Variants in RBM10 observed in about 807,000 individuals in gnomAD.
RBM10 encodes RNA binding motif protein 10, also known as RNA-binding protein 10.
In RBM10, 1 loss-of-function variant was observed where a neutral mutation model predicts 84.9. The ratio of observed to expected loss-of-function variants is 0.01; its 90% CI spans 0.00 to 0.06. The LOEUF is 0.06. Ranked by LOEUF, RBM10 falls within the 10% of genes least tolerant of loss-of-function variation. RBM10 has a pLI of 1.00. For synonymous variants in RBM10, 326 were observed against 344.5 expected, an observed-to-expected ratio of 0.95 and a Z score of 0.60; for missense variants, 438 against 839.0, an observed-to-expected ratio of 0.52 and a Z score of 5.90.
At chrX:47,165,353 T>C (rs1258548083) in intron 2 of RBM10, among the ~76,000 whole-genome samples, 4 of 107,226 alleles carry the variant, frequency 3.7e-5, no homozygotes, top group Non-Finnish European at 7.7e-5. Flanking sequence ...CTGTCTCTAC[T>C]AAAAGTACAA....
Position 47,147,466 on chromosome X carries a change from A to G in RBM10, c.-16A>G. ...TGAGGAGGGGCCCCAGCAGCCCCCG[A>G]AGGCCCTATCAGGACATGGAGTATG... On this transcript the variant is annotated 5_prime_UTR_variant, in exon 2 of 24. Coordinates refer to ENST00000377604, the MANE Select transcript of RBM10 (RefSeq NM_005676.5). The G allele has an allele frequency of 8.3e-7, 1 of 1,211,686 alleles. No homozygotes were observed. Among genetic ancestry groups the G allele is most frequent in the East Asian group, 3.0e-5 (1 of 33,833 alleles).
At chrX:47,175,656 G>A (rs1556775766) in intron 6 of RBM10, among the ~76,000 whole-genome samples, 1 of 111,150 alleles carries the variant, frequency 9.0e-6, no homozygotes. Context: ...TCGACACCCT[G>A]GCCTCACTTC....
intron 2 of RBM10, chrX:47,157,390 C>A: frequency 3.1e-6 from 1 of 317,566 alleles, no homozygotes; most frequent in Non-Finnish European, 6.0e-6. Flanking sequence ...GTAGACATCT[C>A]GTGAGAGTTG....
rs1877750604 is a variant in RBM10, at chrX:47,147,489, A to G, written c.8A>G (p.Tyr3Cys). The G allele has an allele frequency of 2.5e-6, 3 of 1,211,748 alleles. No individual in the cohort carries two copies. Among genetic ancestry groups the G allele is most frequent in the East Asian group, 3.0e-5 (1 of 33,836 alleles). Reference sequence around the variant, plus strand: ...CGAAGGCCCTATCAGGACATGGAGTATGAAAGACGGTGAGTTATCTGTTCT... The same window carrying G: ...CGAAGGCCCTATCAGGACATGGAGTGTGAAAGACGGTGAGTTATCTGTTCT... ME[Y>C]ERRGGRGDRT... Residue 3 changes from tyrosine (Y) to cysteine (C), a missense_variant, in exon 2 of 24, where the codon TAT becomes TGT. Transcript: ENST00000377604.
intron 6 of RBM10, among the ~76,000 whole-genome samples, chrX:47,176,155 G>C (rs1429097094): frequency 9.5e-6 from 1 of 105,779 alleles, no homozygotes; most frequent in Non-Finnish European, 1.9e-5. Context: ...CCCAAGTGTA[G>C]CCTGTGTAGT....
At chrX:47,150,608 C>T (rs1556763371) in intron 2 of RBM10, among the ~76,000 whole-genome samples, 1 of 112,112 alleles carries the variant, frequency 8.9e-6, no homozygotes, top group African/African-American at 3.2e-5. Flanking sequence ...ATAGTCCATT[C>T]TTTCTTTATT....
chrX:47,175,109 T>TGGGGGGGGGGGGGGGGGGGGGGGGGGGGG lies in RBM10; in HGVS notation c.576+18_576+19insGGGGGGGGGGGGGGGGGGGGGGGGGGGGG. ...GCCAATCAGGTTGCTTTGCCGCACT[T>TGGGGGGGGGGGGGGGGGGGGGGGGGGGGG]GAACCCCCCCCCAAACAAATACTAC... On this transcript the variant is annotated intron_variant, in intron 6 of 23. Transcript: ENST00000377604. 1 of 1,183,021 alleles carries TGGGGGGGGGGGGGGGGGGGGGGGGGGGGG rather than the reference T, an allele frequency of 8.5e-7. No homozygotes were observed. Among genetic ancestry groups the TGGGGGGGGGGGGGGGGGGGGGGGGGGGGG allele is most frequent in the Admixed American group, 2.2e-5 (1 of 45,677 alleles).
chrX:47,186,409 C>G (rs2147227632), intron 23 of RBM10, 22 bp downstream of exon 23: 1 of 1,195,866 alleles, frequency 8.4e-7, no homozygotes, highest in Non-Finnish European at 1.1e-6. Flanking sequence ...GCAGTCCTGT[C>G]CCATCCCCCA....
chrX:47,169,979 C>A (rs1231922219), intron 3 of RBM10, among the ~76,000 whole-genome samples: 1 of 112,745 alleles, frequency 8.9e-6, no homozygotes, highest in Non-Finnish European at 1.9e-5. Context: ...TCTGGAGAAG[C>A]CAGTGCCATG....
rs1556777736 is a variant in RBM10 at position 47,179,335 on chromosome X, G to T, written c.741G>T (p.Leu247=). 1 of 1,199,579 alleles carries T rather than the reference G, an allele frequency of 8.3e-7. No homozygotes were observed. Among genetic ancestry groups the T allele is most frequent in the Non-Finnish European group, 1.1e-6 (1 of 890,537 alleles). ...GVPKSEAEQK[L]PLGTRLDQQT... ...CCCTGACAGAGGCAGAGCAGAAGCTGCCCCTCGGCACGAGGCTGGATCAGC... is the reference window on the plus strand; with the variant it reads ...CCCTGACAGAGGCAGAGCAGAAGCTTCCCCTCGGCACGAGGCTGGATCAGC... The change falls in exon 9 of 24, where the codon CTG becomes CTT. Residue 247 remains leucine (L), a synonymous_variant. Coordinates refer to ENST00000377604, the MANE Select transcript of RBM10 (RefSeq NM_005676.5).
At chrX:47,171,586 C>T (rs1279645829) in intron 4 of RBM10, among the ~76,000 whole-genome samples, 2 of 112,867 alleles carry the variant, frequency 1.8e-5, no homozygotes, top group African/African-American at 3.2e-5. Context: ...GGGCCAGACG[C>T]TCACCGGGCC....
At position 47,181,554 on chromosome X, in the gene RBM10, G is replaced by C. The variant is rs1556779451; in HGVS notation, c.1483G>C (p.Ala495Pro). 8.3e-7 allele frequency: 1 copy of C among 1,210,801 alleles called. No homozygotes were observed. The highest frequency in any genetic ancestry group is 1.1e-6 in the Non-Finnish European group (1 of 895,161). ...EPGADSVSMQAFSRAQPGAAP... is the reference protein window; with the variant it reads ...EPGADSVSMQPFSRAQPGAAP... ...TGGGGCCGACTCTGTGTCGATGCAG[G>C]CTTTCTCTCGCGCCCAGCCTGGTGC... Residue 495 changes from alanine (A) to proline (P), a missense_variant, in exon 14 of 24, where the codon GCT becomes CCT. Ala to Pro is a conservative substitution (Grantham distance 27, BLOSUM62 -1). Transcript: ENST00000377604.
chrX:47,166,999 T>C (rs2147121865), intron 2 of RBM10, among the ~76,000 whole-genome samples: 1 of 109,349 alleles, frequency 9.1e-6, no homozygotes, highest in Admixed American at 9.8e-5. Context: ...ATGGTCTCTA[T>C]CTCTGGACCT....
Position 47,179,417 on chromosome X carries a change from C to T in RBM10, c.823C>T (p.Pro275Ser), listed in dbSNP as rs2147168671. The change falls in exon 9 of 24, where the codon CCC (proline) becomes TCC (serine). Residue 275 changes from proline to serine, a missense_variant. Physicochemically the swap from Pro to Ser is moderately conservative, Grantham distance 74. This residue lies in a region of RBM10 where 36 missense variants were observed against 45.3 expected (regional missense o/e 0.79). Transcript: ENST00000377604. ...LSQGLLPLPQ[P>S]YQAQGVLASQ... The stretch of plus-strand genomic sequence containing the variant: ...CCAGGGCCTGCTTCCCCTGCCGCAG[C>T]CCTACCAGGCCCAGGGAGTCCTGGC... 1 of 1,202,110 alleles carries T rather than the reference C, an allele frequency of 8.3e-7. No homozygotes were observed. The highest frequency in any genetic ancestry group is 1.1e-6 in the Non-Finnish European group (1 of 892,880).
chrX:47,182,094 C>T (rs1935592354), intron 16 of RBM10, 52 bp downstream of exon 16: 2 of 1,211,344 alleles, frequency 1.7e-6, no homozygotes, highest in African/African-American at 1.7e-5. Flanking sequence ...GCGTCAGGAA[C>T]AGCTAGCCCT....
intron 7 of RBM10, 123 bp downstream of exon 7, chrX:47,176,709 C>A: frequency 4.7e-6 from 5 of 1,060,536 alleles, no homozygotes; most frequent in Non-Finnish European, 6.3e-6. Flanking sequence ...CTCTCCTCTC[C>A]CTCTGTCTCT....
intron 2 of RBM10, chrX:47,156,627 T>C: frequency 7.1e-6 from 1 of 141,069 alleles, no homozygotes; most frequent in Non-Finnish European, 1.4e-5. Context: ...CTCTGGATCT[T>C]GGCTCCATGG....
At chrX:47,165,675 C>T (rs782296030) in intron 2 of RBM10, among the ~76,000 whole-genome samples, 1 of 110,093 alleles carries the variant, frequency 9.1e-6, no homozygotes, top group East Asian at 2.8e-4. Context: ...AAAAATTAGC[C>T]AGGCATGGTG....
chrX:47,154,552 G>A (rs782718543), intron 2 of RBM10, among the ~76,000 whole-genome samples: 15 of 109,637 alleles, frequency 1.4e-4, no homozygotes, highest in Non-Finnish European at 2.5e-4. Context: ...TCCAGGCTCA[G>A]GGGATTCTTG....
Sources: gnomAD v4.1 joint callset for allele counts (sites outside exome capture counted in the v4.1 genomes callset) on GRCh38, gnomAD v4.1.1 for gene constraint, gnomAD v4.1.1 regional missense constraint, MANE v1.5 for transcripts, NCBI Gene and HGNC (gene_info 2026-07-23, HGNC 2026-07-21) for gene names.